STK36: variants seen among roughly 807,000 people sequenced by gnomAD.
The protein encoded by STK36 is serine/threonine-protein kinase 36.
A neutral mutation model predicts 142.2 loss-of-function variants in STK36; 116 were observed. That is an observed-to-expected ratio of 0.82 (90% CI 0.70 to 0.95). STK36 has a LOEUF of 0.95. Among genes scored for constraint, STK36 ranks in the 40% least tolerant of loss-of-function variants. The pLI, the probability that STK36 is intolerant of heterozygous loss-of-function variation, is 0.00. For synonymous variants in STK36, 619 were observed against 641.7 expected (o/e 0.96, Z 0.53); for missense variants, 1,422 against 1,617.2 (o/e 0.88, Z 2.07).
chr2:218,701,768 G>A, intron 26 of STK36, 98 bp from the exon 27 acceptor site: 1 of 1,431,080 alleles, frequency 7.0e-7, no homozygotes, highest in Non-Finnish European at 9.5e-7. Flanking sequence ...CTTCTCGAGT[G>A]GGAATTCCTG....
intron 16 of STK36, 23 bp downstream of exon 16, chr2:218,692,733 C>T (rs769869652): frequency 6.3e-7 from 1 of 1,599,934 alleles, no homozygotes; most frequent in Non-Finnish European, 8.5e-7. Context: ...ATTGGTTGTT[C>T]CTCTCATCCT....
In STK36 at chr2:218,679,181, G is replaced by A. The variant is rs1417431165; in HGVS notation, c.698G>A (p.Gly233Glu). ...ISPCFKNFLQ[G>E]LLTKDPRQRL... ...TTCTCTCTGTAGAACTTCCTGCAGGGACTGCTCACCAAAGACCCACGGCAG... is the reference window on the plus strand; with the variant it reads ...TTCTCTCTGTAGAACTTCCTGCAGGAACTGCTCACCAAAGACCCACGGCAG... Residue 233 changes from glycine (G) to glutamate (E), a missense_variant, in exon 7 of 27, where the codon GGA (glycine) becomes GAA (glutamate). Coordinates refer to ENST00000295709, the MANE Select transcript of STK36 (RefSeq NM_015690.5). 6.2e-7 allele frequency: 1 copy of A among 1,614,094 alleles called. No homozygotes were observed. Among genetic ancestry groups the A allele is most frequent in the Non-Finnish European group, 8.5e-7 (1 of 1,179,986 alleles).
chr2:218,692,266 C>A lies in STK36; in HGVS notation c.1888C>A (p.Pro630Thr), dbSNP rs1206493855. Residue 630 changes from proline (P) to threonine (T), a missense_variant, in exon 15 of 27, where the codon CCA becomes ACA. By Grantham distance (38) the Pro-to-Thr change is conservative. Coordinates refer to ENST00000295709, the MANE Select transcript of STK36 (RefSeq NM_015690.5). ...LDGLLHGLTVPQLPVHTPQGA... is the reference protein window; with the variant it reads ...LDGLLHGLTVTQLPVHTPQGA... ...TGGGCTCCTTCATGGCTTGACAGTT[C>A]CACAGCTCCCTGTCCACACTCCCCA... is the stretch of plus-strand genomic sequence containing the variant. 1 of 1,614,164 alleles carries A rather than the reference C, an allele frequency of 6.2e-7. No individual in the cohort carries two copies. Among genetic ancestry groups the A allele is most frequent in the East Asian group, 2.2e-5 (1 of 44,886 alleles).
chr2:218,688,429 C>T, intron 11 of STK36: 1 of 586,352 alleles, frequency 1.7e-6, no homozygotes, highest in Non-Finnish European at 3.2e-6. Context: ...ATGGGAATGG[C>T]ACTTAGTCTG....
rs765198065 is a variant in STK36, at chr2:218,693,935, T to C, written c.2288T>C (p.Leu763Pro). Residue 763 changes from leucine (L) to proline (P), a missense_variant, in exon 19 of 27, where the codon CTC becomes CCC. By Grantham distance (98) the Leu-to-Pro change is moderately conservative (BLOSUM62 -3). Around this residue, in one of 2 missense-constraint regions of STK36, gnomAD observed 962 missense variants for 1,167.5 expected, o/e 0.82. Coordinates refer to ENST00000295709, the MANE Select transcript of STK36 (RefSeq NM_015690.5). ...VDWEESTEVT[L>P]YFLSLLVFRL... ...TGGGAAGAGTCTACTGAAGTGACAC[T>C]CTACTTCCTCTCCCTTCTTGTCTTT... The C allele has an allele frequency of 1.2e-6, 2 of 1,614,234 alleles. No individual in the cohort carries two copies. The highest frequency in any genetic ancestry group is 4.5e-5 in the East Asian group (2 of 44,880).
In STK36 at chr2:218,702,034, C is replaced by T. The variant is rs747078298; in HGVS notation, c.*25C>T. On this transcript the variant is annotated 3_prime_UTR_variant, in exon 27 of 27. Transcript: ENST00000295709. ...ATTCCAGATTCCTGCGGTCCAGCCTCCAACTTTGGTTGCCAGCTCTTTCTT... is the reference window on the plus strand; with the variant it reads ...ATTCCAGATTCCTGCGGTCCAGCCTTCAACTTTGGTTGCCAGCTCTTTCTT... 10 of 1,611,766 alleles carry T rather than the reference C, an allele frequency of 6.2e-6. No individual in the cohort carries two copies. Among genetic ancestry groups the T allele is most frequent in the African/African-American group, 1.3e-5 (1 of 74,980 alleles).
In STK36 at chr2:218,690,446, C is replaced by A. The variant is rs1164554216; in HGVS notation, c.1659-4C>A. 1 of 1,613,432 alleles carries A rather than the reference C, an allele frequency of 6.2e-7. No homozygotes were observed. Among genetic ancestry groups the A allele is most frequent in the South Asian group, 1.1e-5 (1 of 91,062 alleles). On this transcript the variant is annotated splice_polypyrimidine_tract_variant and splice_region_variant and intron_variant, in intron 13 of 26. Transcript: ENST00000295709. ...GAAATCATGGGCTCATTTTCCACCC[C>A]CAGCCTGCAGGTGTTTCAGGAGGCT...
At chr2:218,692,076 T>C in intron 14 of STK36, 67 bp from the exon 15 acceptor site, 1 of 1,549,996 alleles carries the variant, frequency 6.5e-7, no homozygotes, top group Non-Finnish European at 8.7e-7. Context: ...CTCAGGGTTT[T>C]CTTGTTTTTT....
chr2:218,696,803 G>T, intron 22 of STK36: 1 of 896,150 alleles, frequency 1.1e-6, no homozygotes, highest in Non-Finnish European at 1.9e-6. Context: ...CTGGGATCCA[G>T]TGGGAGATAA....
rs1426958079 is a variant in STK36 at position 218,698,098 on chromosome 2, T to G, written c.3057+97T>G. The G allele has an allele frequency of 3.3e-6, 5 of 1,516,016 alleles. No homozygotes were observed. The East Asian group carries it at 1.1e-4, about 34-fold the overall frequency. 93.9% of individuals were successfully genotyped at this position (1,516,016 alleles called of 1,614,324 possible). A position where few individuals can be genotyped will look rare whatever the true frequency, so the allele number is the denominator to read the frequency against. ...CAGCTCCAGGGCTCTTCTAGGCCCC[T>G]GTAAGCATGGAACAGCTGGCTTGAC... On this transcript the variant is annotated intron_variant, in intron 25 of 26. Transcript: ENST00000295709.
rs747182316 is a variant in STK36, at chr2:218,680,088, GGGTATA to G, written c.1136+10_1136+15del. On this transcript the variant is annotated intron_variant, in intron 9 of 26. Transcript: ENST00000295709. ...GGTGCCCTCTGCACCTCGGTGAGAAGGGTATAGTTAGGGATTTGTAGGGTGAGGTAT... is the reference window on the plus strand; with the variant it reads ...GGTGCCCTCTGCACCTCGGTGAGAAGGTTAGGGATTTGTAGGGTGAGGTAT... 5 of 1,613,498 alleles carry G rather than the reference GGGTATA, an allele frequency of 3.1e-6. No homozygotes were observed. In the South Asian group the frequency reaches 5.5e-5, roughly 18 times the overall value.
chr2:218,695,958 G>A (rs1559343900), intron 21 of STK36, among the ~76,000 whole-genome samples: 1 of 150,572 alleles, frequency 6.6e-6, no homozygotes, highest in Non-Finnish European at 1.5e-5. Flanking sequence ...CCACCTCCTG[G>A]GTTCAAGCGA....
rs376541062 is a variant in STK36, at chr2:218,693,236, A to G, written c.2044-4A>G. 4.3e-6 allele frequency: 7 copies of G among 1,613,854 alleles called. No individual in the cohort carries two copies. In the African/African-American group the frequency reaches 5.3e-5, roughly 12 times the overall value. ...GGATTGAGCCTTCAGGTATGTCTCT[A>G]TAGGTCTGTTGGCATTTGGCAAATC... On this transcript the variant is annotated splice_region_variant and splice_polypyrimidine_tract_variant and intron_variant, in intron 16 of 26. Transcript: ENST00000295709.
At chr2:218,679,385 T>C (rs933608321) in intron 7 of STK36, 124 bp downstream of exon 7, 7 of 1,267,350 alleles carry the variant, frequency 5.5e-6, no homozygotes, top group Non-Finnish European at 6.7e-6. Context: ...TGAACTTTCT[T>C]CCTAGCCCTT....
chr2:218,698,805 T>A lies in STK36; in HGVS notation c.3261T>A (p.His1087Gln). Residue 1087 changes from histidine (H) to glutamine (Q), a missense_variant, in exon 26 of 27, where the codon CAT becomes CAA. Physicochemically the swap from His to Gln is conservative, Grantham distance 24. Transcript: ENST00000295709. ...LTSDLLSLLAHTARVLSPSHL... is the reference protein window; with the variant it reads ...LTSDLLSLLAQTARVLSPSHL... The stretch of plus-strand genomic sequence containing the variant: ...CCGACCTTCTCTCTCTGCTGGCCCA[T>A]ACTGCCAGGGTCCTGTCTCCCAGCC... 2.5e-6 allele frequency: 4 copies of A among 1,614,190 alleles called. No homozygotes were observed. Among genetic ancestry groups the A allele is most frequent in the Non-Finnish European group, 3.4e-6 (4 of 1,180,034 alleles).
rs1337991444 is a variant in STK36 at position 218,680,080 on chromosome 2, G to A, written c.1136G>A (p.Arg379Gln). 6.2e-6 allele frequency: 10 copies of A among 1,613,550 alleles called. No individual in the cohort carries two copies. Among genetic ancestry groups the A allele is most frequent in the African/African-American group, 2.7e-5 (2 of 75,040 alleles). Residue 379 changes from arginine (R) to glutamine (Q), a missense_variant and splice_region_variant, in exon 9 of 27, where the codon CGG becomes CAG. By Grantham distance (43) the Arg-to-Gln change is conservative (BLOSUM62 1). Coordinates refer to ENST00000295709, the MANE Select transcript of STK36 (RefSeq NM_015690.5). ...SGTGEVPSAP[R>Q]ENRTTPDCER... ...ACTGGAGAGGTGCCCTCTGCACCTC[G>A]GTGAGAAGGGTATAGTTAGGGATTT...
At position 218,679,894 on chromosome 2, in the gene STK36, A is replaced by C. The variant is rs1381393983; in HGVS notation, c.950A>C (p.Lys317Thr). Reference sequence around the variant, plus strand: ...AGTGTTGCCCCCTACCTCCCACAGAAACATCAGAACACAGGACCTGCCCTT... The same window carrying C: ...AGTGTTGCCCCCTACCTCCCACAGACACATCAGAACACAGGACCTGCCCTT... ...KRMAEEAMQK[K>T]HQNTGPALEQ... Residue 317 changes from lysine to threonine, a missense_variant and splice_region_variant, in exon 9 of 27, where the codon AAA becomes ACA. Transcript: ENST00000295709. 1 of 1,612,918 alleles carries C rather than the reference A, an allele frequency of 6.2e-7. No homozygotes were observed. Among genetic ancestry groups the C allele is most frequent in the South Asian group, 1.1e-5 (1 of 91,006 alleles).
chr2:218,680,583 C>T lies in STK36; in HGVS notation c.1137-20C>T, dbSNP rs1314196616. The T allele has an allele frequency of 1.5e-5, 24 of 1,602,560 alleles. No homozygotes were observed. The highest frequency in any genetic ancestry group is 2.0e-5 in the Non-Finnish European group (23 of 1,173,602). On this transcript the variant is annotated intron_variant, in intron 9 of 26. Coordinates refer to ENST00000295709, the MANE Select transcript of STK36 (RefSeq NM_015690.5). ...GTCATAGGTTTGGAACCCGTTCTAC[C>T]CCTTGGCTTCCTCCGGCAGGGAAAA... is the stretch of plus-strand genomic sequence containing the variant.
chr2:218,685,450 A>G (rs1234532546), intron 11 of STK36, among the ~76,000 whole-genome samples: 5 of 152,198 alleles, frequency 3.3e-5, no homozygotes. Context: ...ATAGGGATCA[A>G]ACTTTTTTGA....
Sources: gnomAD v4.1 joint callset for allele counts (sites outside exome capture counted in the v4.1 genomes callset) on GRCh38, gnomAD v4.1.1 for gene constraint, gnomAD v4.1.1 regional missense constraint, MANE v1.5 for transcripts, NCBI Gene and HGNC (gene_info 2026-07-23, HGNC 2026-07-21) for gene names.